OPCML: variants seen among roughly 807,000 people sequenced by gnomAD.
OPCML encodes opioid-binding protein/cell adhesion molecule.
OPCML carries 13 observed loss-of-function variants against 37.8 expected under a neutral mutation model. The ratio of observed to expected loss-of-function variants is 0.34; its 90% CI spans 0.22 to 0.55. OPCML has a LOEUF of 0.55. OPCML is among the 20% of genes least tolerant of loss of function. OPCML has a pLI of 0.91. For synonymous variants in OPCML, 176 were observed against 168.8 expected (o/e 1.04, Z -0.33); for missense variants, 341 against 435.6 (o/e 0.78, Z 1.93).
chr11:133,004,067 G>T (rs1947061169), intron 1 of OPCML: 7 of 985,386 alleles, frequency 7.1e-6, no homozygotes, highest in Non-Finnish European at 7.2e-6. Context: ...AAGCGAAGAG[G>T]CAAAGAGCAG....
chr11:132,867,922 G>T lies in OPCML; in HGVS notation c.146+75004C>A, dbSNP rs1213194905. Among the ~76,000 whole-genome samples the T allele has an allele frequency of 2.0e-5, 3 of 152,124 alleles. No homozygotes were observed. The East Asian group carries it at 5.8e-4, about 29-fold the overall frequency. ...GTTGTTGGCAGGCAAAGTGAAGAAG[G>T]TCATAGAAAATGTCACTCAGTCTGC... On this transcript the variant is annotated intron_variant, in intron 2 of 7. Coordinates refer to ENST00000524381, the MANE Select transcript of OPCML (RefSeq NM_001012393.5).
At chr11:132,476,307 A>G (rs2096155368) in intron 4 of OPCML, among the ~76,000 whole-genome samples, 1 of 152,122 alleles carries the variant, frequency 6.6e-6, no homozygotes, top group African/African-American at 2.4e-5. Context: ...CTAGAACTAG[A>G]AATACCATTT....
intron 1 of OPCML, chr11:133,006,872 G>A (rs1947123779): frequency 1.1e-5 from 11 of 985,340 alleles, no homozygotes; most frequent in Non-Finnish European, 1.3e-5. Flanking sequence ...TCAGAATGCA[G>A]TAGGCTCATG....
chr11:132,922,060 A>G (rs904144765), intron 2 of OPCML, among the ~76,000 whole-genome samples: 1 of 151,798 alleles, frequency 6.6e-6, no homozygotes, highest in Non-Finnish European at 1.5e-5. Flanking sequence ...TTGTATTTTT[A>G]GTAGAGACGG....
At chr11:133,152,528 T>C (rs1455878318) in intron 1 of OPCML, among the ~76,000 whole-genome samples, 1 of 151,374 alleles carries the variant, frequency 6.6e-6, no homozygotes, top group Admixed American at 6.6e-5. Flanking sequence ...CCTAATCCTC[T>C]CCACTCCCAC....
chr11:132,571,747 C>A (rs530136439), intron 3 of OPCML, among the ~76,000 whole-genome samples: 33 of 152,256 alleles, frequency 2.2e-4, no homozygotes, highest in Non-Finnish European at 2.6e-4. Flanking sequence ...GTGTTTATAT[C>A]TCTTTGAGAT....
intron 1 of OPCML, among the ~76,000 whole-genome samples, chr11:133,275,379 A>G (rs761437978): frequency 1.6e-4 from 24 of 152,138 alleles, no homozygotes; most frequent in Non-Finnish European, 3.5e-4. Context: ...ATTAATTCTT[A>G]AAAACTAAGG....
At chr11:133,321,720 T>C (rs1488487592) in intron 1 of OPCML, among the ~76,000 whole-genome samples, 1 of 152,214 alleles carries the variant, frequency 6.6e-6, no homozygotes, top group African/African-American at 2.4e-5. Context: ...CATTAGCTAT[T>C]GACCCTACTT....
chr11:132,444,998 G>A (rs1357168575), intron 4 of OPCML, among the ~76,000 whole-genome samples: 1 of 152,250 alleles, frequency 6.6e-6, no homozygotes, highest in African/African-American at 2.4e-5. Flanking sequence ...CCTGGTCAAT[G>A]TCTCACTTGC....
chr11:132,714,913 T>C (rs1444624365), intron 2 of OPCML, among the ~76,000 whole-genome samples: 2 of 151,920 alleles, frequency 1.3e-5, no homozygotes, highest in African/African-American at 4.8e-5. Context: ...GGAGAGGAAA[T>C]GGAGCAGAAA....
chr11:132,615,380 C>T (rs1030441484), intron 3 of OPCML, among the ~76,000 whole-genome samples: 10 of 152,112 alleles, frequency 6.6e-5, no homozygotes, highest in South Asian at 4.1e-4. Flanking sequence ...TTTTCATCCA[C>T]GGCATAGGAT....
chr11:132,816,952 C>A (rs1939672260), intron 2 of OPCML, among the ~76,000 whole-genome samples: 1 of 152,128 alleles, frequency 6.6e-6, no homozygotes. Flanking sequence ...GACAGTTACC[C>A]CTCAGAAAGG....
intron 1 of OPCML, among the ~76,000 whole-genome samples, chr11:133,203,265 A>G (rs1565501068): frequency 6.6e-6 from 1 of 152,360 alleles, no homozygotes; most frequent in East Asian, 1.9e-4. Context: ...CCGGGATAAT[A>G]ACAGCTGCCT....
At chr11:132,915,704 T>C (rs555976602) in intron 2 of OPCML, among the ~76,000 whole-genome samples, 2 of 152,356 alleles carry the variant, frequency 1.3e-5, no homozygotes, top group African/African-American at 2.4e-5. Context: ...GTGCTTTAAT[T>C]TGTATTTCCC....
intron 2 of OPCML, among the ~76,000 whole-genome samples, chr11:132,930,300 G>A (rs1945154619): frequency 6.6e-6 from 1 of 152,214 alleles, no homozygotes; most frequent in Non-Finnish European, 1.5e-5. Flanking sequence ...AAAGGTCGAG[G>A]CTACAGTGAG....
rs1229577687 is a variant in OPCML at position 133,289,594 on chromosome 11, C to CAAA, written c.61+242667_61+242669dup. ...TGGGCGACAGAGCGAGACTCCATCTCAAAAAAAAAAAAAAAAAAAAAAAAT... is the reference window on the plus strand; with the variant it reads ...TGGGCGACAGAGCGAGACTCCATCTCAAAAAAAAAAAAAAAAAAAAAAAAAAAT... On this transcript the variant is annotated intron_variant, in intron 1 of 7. Coordinates refer to ENST00000524381, the MANE Select transcript of OPCML (RefSeq NM_001012393.5). Among the ~76,000 whole-genome samples, 203 of 52,274 alleles carry CAAA rather than the reference C, an allele frequency of 3.9e-3. 1 individual carries two copies. Among genetic ancestry groups the CAAA allele is most frequent in the African/African-American group, 0.014 (188 of 13,370 alleles). 34.3% of individuals were successfully genotyped at this position (52,274 alleles called of 152,430 possible).
At chr11:133,034,126 TGAGGGGA>T (rs1947724493) in intron 1 of OPCML, among the ~76,000 whole-genome samples, 1 of 152,186 alleles carries the variant, frequency 6.6e-6, no homozygotes, top group Admixed American at 6.5e-5. Context: ...AGAAAGAGGC[TGAGGGGA>T]TGCTCCTATA....
chr11:132,530,516 G>A (rs1016552515), intron 3 of OPCML, among the ~76,000 whole-genome samples: 1 of 151,956 alleles, frequency 6.6e-6, no homozygotes, highest in Admixed American at 6.6e-5. Flanking sequence ...AATCATGGAA[G>A]CAAACTGCTG....
chr11:133,399,904 T>C lies in OPCML; in HGVS notation c.61+132360A>G, dbSNP rs1359217286. On this transcript the variant is annotated intron_variant, in intron 1 of 7. Transcript: ENST00000524381. ...AATATATATGAATGAATTGCTTTTATGCATCTATCTACTAATGCATGCACA... is the reference window on the plus strand; with the variant it reads ...AATATATATGAATGAATTGCTTTTACGCATCTATCTACTAATGCATGCACA... 2.6e-5 allele frequency among the ~76,000 whole-genome samples: 4 copies of C among 151,086 alleles called. No homozygotes were observed. The East Asian group carries it at 7.8e-4, about 29-fold the overall frequency.
Sources: gnomAD v4.1 joint callset for allele counts (sites outside exome capture counted in the v4.1 genomes callset) on GRCh38, gnomAD v4.1.1 for gene constraint, MANE v1.5 for transcripts, NCBI Gene and HGNC (gene_info 2026-07-23, HGNC 2026-07-21) for gene names.